The following LAMA4 variants were observed in gnomAD, a reference collection of about 807,000 sequenced individuals.
The protein encoded by LAMA4 is laminin subunit alpha 4.
A neutral mutation model predicts 207.1 loss-of-function variants in LAMA4; 127 were observed. The ratio of observed to expected loss-of-function variants is 0.61; its 90% CI spans 0.53 to 0.71. The LOEUF (loss-of-function observed/expected upper bound fraction) is 0.71. Among genes scored for constraint, LAMA4 ranks in the 30% least tolerant of loss-of-function variants. LAMA4 has a pLI of 0.00. For synonymous variants in LAMA4, 761 were observed against 816.0 expected (o/e 0.93, Z 1.15); for missense variants, 2,093 against 2,246.5 (o/e 0.93, Z 1.38).
At chr6:112,130,842 T>C (rs1282951570) in intron 29 of LAMA4, 126 bp downstream of exon 29, 1 of 932,194 alleles carries the variant, frequency 1.1e-6, no homozygotes, top group African/African-American at 1.6e-5. Flanking sequence ...GATAAGTTGT[T>C]CCTTCTAGCA....
chr6:112,196,724 G>A (rs1429126441), intron 5 of LAMA4, among the ~76,000 whole-genome samples: 1 of 152,172 alleles, frequency 6.6e-6, no homozygotes, highest in Non-Finnish European at 1.5e-5. Flanking sequence ...GGAATGGGGT[G>A]GGAGATTGGG....
chr6:112,207,209 A>G, intron 3 of LAMA4, 64 bp from the exon 4 acceptor site: 1 of 1,574,252 alleles, frequency 6.4e-7, no homozygotes, highest in Non-Finnish European at 8.7e-7. Flanking sequence ...CAGCACATCT[A>G]AGCATCATGC....
Position 112,132,762 on chromosome 6 carries a change from A to G in LAMA4, c.3825T>C (p.Tyr1275=). ...TLQPNGLLFY[Y]ASGSDVFSIS... The stretch of plus-strand genomic sequence containing the variant: ...AAAAACAAACACTTACCCCTGAAGC[A>G]TAATAGAATAGTAACCCATTTGGTT... The change falls in exon 28 of 39, where the codon TAT becomes TAC. Residue 1275 remains tyrosine, a synonymous_variant. Transcript: ENST00000230538. 2 of 1,612,972 alleles carry G rather than the reference A, an allele frequency of 1.2e-6. No individual in the cohort carries two copies. The highest frequency in any genetic ancestry group is 1.7e-6 in the Non-Finnish European group (2 of 1,179,246).
At position 112,172,334 on chromosome 6, in the gene LAMA4, T is replaced by A. The variant is rs1781763848; in HGVS notation, c.1551+277A>T. On this transcript the variant is annotated intron_variant, in intron 12 of 38. Transcript: ENST00000230538. ...AGTATAAAAAAAGCTATGCATTGCT[T>A]ACCCACTTGCAAGAATAACAGACCC... 3 of 405,058 alleles carry A rather than the reference T, an allele frequency of 7.4e-6. No individual in the cohort carries two copies. In the Admixed American group the frequency reaches 1.1e-4, roughly 15 times the overall value. The allele number at this position is 405,058 out of a possible 1,614,324, so 25.1% of individuals were successfully genotyped here.
intron 28 of LAMA4, 128 bp downstream of exon 28, chr6:112,132,625 C>G (rs1349840271): frequency 5.9e-6 from 5 of 841,500 alleles, no homozygotes; most frequent in South Asian, 1.6e-5. Flanking sequence ...ATGAGGCATT[C>G]TGTGTGTCTA....
intron 26 of LAMA4, 140 bp from the exon 27 acceptor site, chr6:112,133,627 G>T: frequency 1.9e-6 from 2 of 1,073,872 alleles, no homozygotes; most frequent in Non-Finnish European, 2.8e-6. Flanking sequence ...TCTTTGATAG[G>T]CACACAGCAA....
chr6:112,130,530 T>G (rs527260087), intron 29 of LAMA4, among the ~76,000 whole-genome samples: 1 of 152,042 alleles, frequency 6.6e-6, no homozygotes, highest in Non-Finnish European at 1.5e-5. Context: ...GAAAATTTCT[T>G]ATTATGAAAA....
intron 16 of LAMA4, among the ~76,000 whole-genome samples, chr6:112,153,066 T>G (rs1281677426): frequency 1.3e-5 from 2 of 152,100 alleles, no homozygotes; most frequent in Non-Finnish European, 2.9e-5. Context: ...ATTTACTGAC[T>G]TGCATAAATA....
intron 16 of LAMA4, among the ~76,000 whole-genome samples, chr6:112,153,093 T>A (rs924409615): frequency 5.3e-5 from 8 of 152,092 alleles, no homozygotes; most frequent in Non-Finnish European, 8.8e-5. Context: ...ATTTTGCAAA[T>A]GAGTTAAGTA....
chr6:112,253,652 A>C, intron 2 of LAMA4: 1 of 1,252,972 alleles, frequency 8.0e-7, no homozygotes, highest in South Asian at 1.2e-5. Context: ...CAAGTGGCAG[A>C]AGTCACCGAT....
chr6:112,144,907 G>C lies in LAMA4; in HGVS notation c.2380C>G (p.Gln794Glu). The change falls in exon 19 of 39, where the codon CAG becomes GAG. Residue 794 changes from glutamine to glutamate, a missense_variant. Physicochemically the swap from Gln to Glu is conservative, Grantham distance 29 (BLOSUM62 2). This residue lies in a region of LAMA4 where 1,704 missense variants were observed against 1,788.4 expected (regional missense o/e 0.95). Coordinates refer to ENST00000230538, the MANE Select transcript of LAMA4 (RefSeq NM_001105206.3). The stretch of plus-strand genomic sequence containing the variant: ...ACCGTACGAAGCTGATCCAGGAGCT[G>C]AGGGACAACCTCGGTCAGATTTCTT... Reference protein sequence around the residue: ...AVRNLTEVVPQLLDQLRTVEQ... With the variant: ...AVRNLTEVVPELLDQLRTVEQ... 6.2e-7 allele frequency: 1 copy of C among 1,613,954 alleles called. No homozygotes were observed. The highest frequency in any genetic ancestry group is 2.2e-5 in the East Asian group (1 of 44,874).
intron 6 of LAMA4, among the ~76,000 whole-genome samples, chr6:112,191,289 T>A (rs1265148923): frequency 1.3e-5 from 2 of 152,116 alleles, no homozygotes; most frequent in Non-Finnish European, 2.9e-5. Context: ...GCCTGAACCA[T>A]GCAAGATTTC....
chr6:112,198,445 G>A (rs1005215747), intron 5 of LAMA4, among the ~76,000 whole-genome samples: 8 of 152,142 alleles, frequency 5.3e-5, no homozygotes, highest in African/African-American at 1.9e-4. Flanking sequence ...CAGATTAGGC[G>A]AAGGTTAACT....
intron 23 of LAMA4, 118 bp downstream of exon 23, chr6:112,139,634 G>T: frequency 1.6e-6 from 2 of 1,231,574 alleles, no homozygotes; most frequent in South Asian, 2.4e-5. Flanking sequence ...GACTTATGTA[G>T]TTTCAAAACT....
chr6:112,185,347 T>C lies in LAMA4; in HGVS notation c.967A>G (p.Thr323Ala). 3 of 1,572,876 alleles carry C rather than the reference T, an allele frequency of 1.9e-6. No homozygotes were observed. The highest frequency in any genetic ancestry group is 2.6e-6 in the Non-Finnish European group (3 of 1,142,468). ...EINATIYLLK[T>A]KLSERENQYA... ...TGGTTTTCTCTTTCTGACAATTTTG[T>C]CTGCAGAAGAATGTGTTTTGAGAAT... Residue 323 changes from threonine to alanine, a missense_variant and splice_region_variant, in exon 9 of 39, where the codon ACA becomes GCA. Transcript: ENST00000230538.
At chr6:112,155,539 A>G (rs1554336702) in intron 15 of LAMA4, 26 bp downstream of exon 15, 5 of 1,613,644 alleles carry the variant, frequency 3.1e-6, no homozygotes, top group East Asian at 4.5e-5. Flanking sequence ...AAGGCAAGGT[A>G]TAAAGAACTT....
chr6:112,254,343 C>T (rs1362904558), intron 1 of LAMA4, 52 bp from the exon 2 acceptor site: 1 of 646,282 alleles, frequency 1.5e-6, no homozygotes, highest in Non-Finnish European at 2.7e-6. Flanking sequence ...CAGCCTCTCT[C>T]TCCCTCTCTC....
rs77172816 is a variant in LAMA4 at position 112,113,918 on chromosome 6, T to C, written c.5326+158A>G. 1.8e-3 allele frequency among the ~76,000 whole-genome samples: 273 copies of C among 152,356 alleles called. 3 individuals carry two copies. The highest frequency in any genetic ancestry group is 6.4e-3 in the African/African-American group (267 of 41,590). On this transcript the variant is annotated intron_variant, in intron 38 of 38. Coordinates refer to ENST00000230538, the MANE Select transcript of LAMA4 (RefSeq NM_001105206.3). ...GGAATGCTGGGGTCTAGTTCTTACA[T>C]GTCACTTTATTATGCCTTTTCCATT...
chr6:112,195,910 G>T (rs571767818), intron 5 of LAMA4, among the ~76,000 whole-genome samples: 1 of 151,290 alleles, frequency 6.6e-6, no homozygotes, highest in Non-Finnish European at 1.5e-5. Flanking sequence ...CAGAGTCTCA[G>T]GTTCCTCATC....
Sources: gnomAD v4.1 joint callset for allele counts (sites outside exome capture counted in the v4.1 genomes callset) on GRCh38, gnomAD v4.1.1 for gene constraint, gnomAD v4.1.1 regional missense constraint, MANE v1.5 for transcripts, NCBI Gene and HGNC (gene_info 2026-07-23, HGNC 2026-07-21) for gene names.